ZFAT: variants seen among roughly 807,000 people sequenced by gnomAD.
ZFAT encodes zinc finger protein ZFAT.
In ZFAT, 64 loss-of-function variants were observed where a neutral mutation model predicts 117.7. The observed-to-expected ratio is 0.54, with a 90% CI of 0.44 to 0.67. The LOEUF is 0.67. Ranked by LOEUF, ZFAT falls within the 30% of genes least tolerant of loss-of-function variation. The pLI, the probability that ZFAT is intolerant of heterozygous loss-of-function variation, is 0.00. For missense variants in ZFAT, 1,433 were observed against 1,584.5 expected (o/e 0.90, Z 1.62); for synonymous variants, 679 against 615.0 (o/e 1.10, Z -1.54).
At chr8:134,605,500 C>T (rs748060156) in intron 5 of ZFAT, among the ~76,000 whole-genome samples, 14 of 150,656 alleles carry the variant, frequency 9.3e-5, no homozygotes, top group East Asian at 2.0e-4. Flanking sequence ...GAGCCCAGAT[C>T]GCGCCACTGC....
chr8:134,606,318 T>C (rs73365394), intron 5 of ZFAT, among the ~76,000 whole-genome samples: 7,660 of 152,274 alleles, frequency 0.05, 684 homozygotes, highest in African/African-American at 0.17. Context: ...AAGAGTTGAG[T>C]TGATAACACT....
At chr8:134,658,927 A>G (rs565015950) in intron 1 of ZFAT, among the ~76,000 whole-genome samples, 3 of 152,330 alleles carry the variant, frequency 2.0e-5, no homozygotes, top group East Asian at 3.9e-4. Context: ...AGCAGCAAGA[A>G]CCCAGCAGAC....
At chr8:134,508,191 G>A (rs1819552167) in intron 15 of ZFAT, among the ~76,000 whole-genome samples, 1 of 152,180 alleles carries the variant, frequency 6.6e-6, no homozygotes, top group Non-Finnish European at 1.5e-5. Context: ...AGAAACCCAA[G>A]AGGTGAACCT....
At chr8:134,496,500 C>T (rs1385072155) in intron 15 of ZFAT, among the ~76,000 whole-genome samples, 1 of 152,212 alleles carries the variant, frequency 6.6e-6, no homozygotes, top group Non-Finnish European at 1.5e-5. Context: ...GTATGCACTG[C>T]CAGCCTGGAG....
At chr8:134,650,405 C>A (rs190111181) in intron 2 of ZFAT, among the ~76,000 whole-genome samples, 1 of 152,194 alleles carries the variant, frequency 6.6e-6, no homozygotes, top group Non-Finnish European at 1.5e-5. Context: ...GGATTACAGT[C>A]GTGAGCCACT....
intron 10 of ZFAT, among the ~76,000 whole-genome samples, chr8:134,580,592 C>T (rs2130834925): frequency 6.6e-6 from 1 of 152,264 alleles, no homozygotes; most frequent in South Asian, 2.1e-4. Context: ...AAAAAATTAA[C>T]TTTATTGGAT....
intron 15 of ZFAT, among the ~76,000 whole-genome samples, chr8:134,506,263 A>T (rs1364064849): frequency 1.3e-5 from 2 of 152,244 alleles, no homozygotes; most frequent in Non-Finnish European, 2.9e-5. Context: ...GAAAACTGTC[A>T]GGTTTAACAA....
At chr8:134,688,037 A>G (rs1003839037) in intron 1 of ZFAT, among the ~76,000 whole-genome samples, 8 of 152,022 alleles carry the variant, frequency 5.3e-5, no homozygotes, top group Non-Finnish European at 1.0e-4. Flanking sequence ...CTGAATCTGT[A>G]GGGACTCAGC....
intron 1 of ZFAT, among the ~76,000 whole-genome samples, chr8:134,665,080 C>T (rs905001634): frequency 6.6e-6 from 1 of 152,218 alleles, no homozygotes; most frequent in Admixed American, 6.5e-5. Flanking sequence ...CTGTCTGCAA[C>T]CTCTGACCTC....
chr8:134,657,882 T>C lies in ZFAT; in HGVS notation c.20-145A>G, dbSNP rs778224997. 3.2e-4 allele frequency: 273 copies of C among 846,174 alleles called. 3 individuals carry two copies. The East Asian group carries it at 6.5e-3, about 20-fold the overall frequency. The allele number at this position is 846,174 out of a possible 1,614,324, so 52.4% of individuals were successfully genotyped here. A position where few individuals can be genotyped will look rare whatever the true frequency, so the allele number is the denominator to read the frequency against. ...TGTGTCTCTCTGGCAGTCACCTCCA[T>C]GGCAGGCCACTCACTTTCATCTTCA... On this transcript the variant is annotated intron_variant, in intron 1 of 15. Coordinates refer to ENST00000377838, the MANE Select transcript of ZFAT (RefSeq NM_020863.4).
intron 14 of ZFAT, among the ~76,000 whole-genome samples, chr8:134,512,248 T>A (rs560290800): frequency 6.6e-6 from 1 of 152,354 alleles, no homozygotes; most frequent in South Asian, 2.1e-4. Flanking sequence ...GAGGGACTCT[T>A]GCGGCCCTGT....
At chr8:134,481,673 G>T in intron 15 of ZFAT, among the ~76,000 whole-genome samples, 1 of 152,224 alleles carries the variant, frequency 6.6e-6, no homozygotes, top group South Asian at 2.1e-4. Context: ...ACAGGGGACA[G>T]ACTCCAAGTT....
intron 1 of ZFAT, among the ~76,000 whole-genome samples, chr8:134,687,655 C>T (rs1450495565): frequency 6.6e-6 from 1 of 152,058 alleles, no homozygotes; most frequent in Non-Finnish European, 1.5e-5. Context: ...CACGACAGCT[C>T]CCCATTTGCA....
intron 1 of ZFAT, 79 bp downstream of exon 1, chr8:134,712,766 G>A (rs1381671605): frequency 3.9e-5 from 55 of 1,396,042 alleles, no homozygotes; most frequent in Non-Finnish European, 4.7e-5. Context: ...TTCCCGACTC[G>A]ACGCTCGAAA....
chr8:134,557,721 A>G (rs921802956), intron 11 of ZFAT, among the ~76,000 whole-genome samples: 12 of 152,212 alleles, frequency 7.9e-5, no homozygotes, highest in African/African-American at 1.9e-4. Flanking sequence ...AACACATAGA[A>G]AACAGACACC....
chr8:134,721,897 A>G, the ZFAT span, among the ~76,000 whole-genome samples: 2 of 152,264 alleles, frequency 1.3e-5, no homozygotes, highest in African/African-American at 4.8e-5. Flanking sequence ...TAAGAAACTG[A>G]CAATTTGGTG....
chr8:134,528,772 T>C (rs1821195728), intron 12 of ZFAT, among the ~76,000 whole-genome samples: 1 of 152,196 alleles, frequency 6.6e-6, no homozygotes, highest in African/African-American at 2.4e-5. Flanking sequence ...CCTTCTGCTG[T>C]AATTAGAATA....
At chr8:134,625,963 G>A (rs936694184) in intron 3 of ZFAT, among the ~76,000 whole-genome samples, 4 of 152,192 alleles carry the variant, frequency 2.6e-5, no homozygotes, top group Non-Finnish European at 5.9e-5. Flanking sequence ...GTAGGATGAG[G>A]CCACTCCCTT....
intron 11 of ZFAT, among the ~76,000 whole-genome samples, chr8:134,546,439 C>T (rs1822699520): frequency 6.6e-6 from 1 of 152,120 alleles, no homozygotes; most frequent in African/African-American, 2.4e-5. Context: ...TGCAAGCTAG[C>T]ACCAAGTCAC....
Sources: allele counts gnomAD v4.1 joint callset (sites outside exome capture counted in the v4.1 genomes callset), GRCh38; gene constraint gnomAD v4.1.1; transcripts MANE v1.5; gene names NCBI Gene and HGNC (gene_info 2026-07-23, HGNC 2026-07-21).